CCDC170: variants seen among roughly 807,000 people sequenced by gnomAD.
The protein encoded by CCDC170 is coiled-coil domain containing 170, also known as coiled-coil domain-containing protein 170.
Under a neutral mutation model 72.6 loss-of-function variants are expected in CCDC170, and 69 were observed. The observed-to-expected ratio is 0.95, with a 90% CI of 0.78 to 1.16. The LOEUF is 1.16. Among genes scored for constraint, CCDC170 ranks in the 50% most tolerant of loss-of-function variants. The pLI, the probability that CCDC170 is intolerant of heterozygous loss-of-function variation, is 0.00. For synonymous variants in CCDC170, 300 were observed against 303.9 expected (o/e 0.99, Z 0.13); for missense variants, 852 against 832.5 (o/e 1.02, Z -0.29).
At chr6:151,612,848 C>G (rs1454550212) in intron 9 of CCDC170, among the ~76,000 whole-genome samples, 1 of 151,716 alleles carries the variant, frequency 6.6e-6, no homozygotes, top group African/African-American at 2.4e-5. Context: ...ATGATCTAAC[C>G]ACAAAACGAA....
chr6:151,546,098 A>C (rs1048912361), intron 4 of CCDC170, among the ~76,000 whole-genome samples: 2 of 152,076 alleles, frequency 1.3e-5, no homozygotes, highest in Admixed American at 6.5e-5. Flanking sequence ...CCATTTTTGA[A>C]AACCACCTCT....
intron 1 of CCDC170, among the ~76,000 whole-genome samples, chr6:151,532,814 T>C (rs9479060): frequency 0.11 from 16,276 of 152,160 alleles, 1,634 homozygotes; most frequent in African/African-American, 0.26. Context: ...TATGTAAGAA[T>C]AGCCAGGGTT....
intron 1 of CCDC170, among the ~76,000 whole-genome samples, chr6:151,499,258 A>G (rs9383909): frequency 7.9e-6 from 1 of 126,994 alleles, no homozygotes; most frequent in Non-Finnish European, 1.6e-5. Flanking sequence ...GTGGAATCAG[A>G]CTGTATTTGA....
Position 151,494,164 on chromosome 6 carries a change from T to C in CCDC170, c.36T>C (p.Gly12=). The change falls in exon 1 of 11, where the codon GGT becomes GGC. Residue 12 remains glycine (G), a synonymous_variant. Transcript: ENST00000239374. Reference sequence around the variant, plus strand: ...ACTGCACCAGCCATATCGCGCTGGGTGCCGCTTCGCCAGCGCCCGAGGTAC... The same window carrying C: ...ACTGCACCAGCCATATCGCGCTGGGCGCCGCTTCGCCAGCGCCCGAGGTAC... ...SLDCTSHIAL[G]AASPAPEETY... 1 of 1,523,902 alleles carries C rather than the reference T, an allele frequency of 6.6e-7. No homozygotes were observed. The highest frequency in any genetic ancestry group is 1.2e-5 in the South Asian group (1 of 81,628). The allele number at this position is 1,523,902 out of a possible 1,614,324, so 94.4% of individuals were successfully genotyped here.
In CCDC170 at chr6:151,508,149, A is replaced by G. The variant is rs541815707; in HGVS notation, c.57+13964A>G. On this transcript the variant is annotated intron_variant, in intron 1 of 10. Coordinates refer to ENST00000239374, the MANE Select transcript of CCDC170 (RefSeq NM_025059.4). ...GCTCTTTTGGAAGATGGCATTAACT[A>G]TATTTCAAGTCTATGTAAGGGAAAT... 2.0e-3 allele frequency among the ~76,000 whole-genome samples: 299 copies of G among 152,336 alleles called. 3 individuals are homozygous for G. The highest frequency in any genetic ancestry group is 7.0e-3 in the African/African-American group (291 of 41,580).
intron 1 of CCDC170, among the ~76,000 whole-genome samples, chr6:151,510,063 C>T (rs75540901): frequency 0.011 from 1,633 of 152,222 alleles, 26 homozygotes; most frequent in African/African-American, 0.035. Flanking sequence ...GTGGAGGTTG[C>T]GGTGAGAAAA....
At position 151,536,459 on chromosome 6, in the gene CCDC170, A is replaced by C. The variant is rs6931664; in HGVS notation, c.186+13A>C. 1.2e-6 allele frequency: 2 copies of C among 1,613,058 alleles called. No homozygotes were observed. Among genetic ancestry groups the C allele is most frequent in the Non-Finnish European group, 1.7e-6 (2 of 1,179,378 alleles). ...TGCTCAGTCTGAGGTAAGATAATGC[A>C]TTTCCAGCACTCAGAAATGGGCCTT... On this transcript the variant is annotated intron_variant, in intron 2 of 10. Coordinates refer to ENST00000239374, the MANE Select transcript of CCDC170 (RefSeq NM_025059.4).
intron 5 of CCDC170, among the ~76,000 whole-genome samples, chr6:151,555,474 A>G (rs929773615): frequency 1.6e-4 from 25 of 152,224 alleles, no homozygotes; most frequent in Non-Finnish European, 7.3e-5. Flanking sequence ...TAAAGTTGGA[A>G]GTGACCTTCA....
At chr6:151,507,944 G>T (rs1281204025) in intron 1 of CCDC170, among the ~76,000 whole-genome samples, 11 of 151,052 alleles carry the variant, frequency 7.3e-5, no homozygotes, top group Non-Finnish European at 1.5e-4. Flanking sequence ...AGAAAGAAAA[G>T]AAAACATTGA....
At chr6:151,510,796 C>A (rs1782135922) in intron 1 of CCDC170, among the ~76,000 whole-genome samples, 2 of 151,768 alleles carry the variant, frequency 1.3e-5, no homozygotes, top group Admixed American at 1.3e-4. Context: ...AGTGCAGTGG[C>A]ACAATCTCAG....
In CCDC170 at chr6:151,619,415, ATTC is replaced by A. The variant is rs1777024600; in HGVS notation, c.*1271_*1273del. The A allele has an allele frequency of 6.6e-6, 1 of 151,006 alleles. No homozygotes were observed. Among genetic ancestry groups the A allele is most frequent in the East Asian group, 2.2e-4 (1 of 4,546 alleles). The allele number at this position is 151,006 out of a possible 1,614,324, so 9.4% of individuals were successfully genotyped here. A position where few individuals can be genotyped will look rare whatever the true frequency, so the allele number is the denominator to read the frequency against. ...TTTTACAAATTTTTCAGGGAATCAT[ATTC>A]TTAACTTCACTGAGAAAAATGTGTT... On this transcript the variant is annotated 3_prime_UTR_variant, in exon 11 of 11. Coordinates refer to ENST00000239374, the MANE Select transcript of CCDC170 (RefSeq NM_025059.4).
intron 1 of CCDC170, among the ~76,000 whole-genome samples, chr6:151,503,175 A>T (rs559988038): frequency 3.4e-5 from 5 of 148,664 alleles, no homozygotes; most frequent in South Asian, 2.1e-4. Context: ...GACTACATTT[A>T]AAAAAAAAAA....
chr6:151,596,577 G>C lies in CCDC170; in HGVS notation c.1710G>C (p.Lys570Asn), dbSNP rs754298052. Residue 570 changes from lysine to asparagine, a missense_variant and splice_region_variant, in exon 9 of 11, where the codon AAG becomes AAC. Lys to Asn is a moderately conservative substitution (Grantham distance 94, BLOSUM62 0). Coordinates refer to ENST00000239374, the MANE Select transcript of CCDC170 (RefSeq NM_025059.4). ...AACTGGCCGACACCAATGAACTGAAGGCAAGTGCTTGGCTTCATTTTGTTG... is the reference window on the plus strand; with the variant it reads ...AACTGGCCGACACCAATGAACTGAACGCAAGTGCTTGGCTTCATTTTGTTG... ...KAKLADTNEL[K>N]IKTLEQTKAI... 25 of 1,613,546 alleles carry C rather than the reference G, an allele frequency of 1.5e-5. No individual in the cohort carries two copies. Among genetic ancestry groups the C allele is most frequent in the Non-Finnish European group, 1.9e-5 (22 of 1,179,754 alleles).
chr6:151,547,710 G>A (rs888892164), intron 4 of CCDC170, among the ~76,000 whole-genome samples: 5 of 152,302 alleles, frequency 3.3e-5, no homozygotes, highest in African/African-American at 1.2e-4. Flanking sequence ...GTTCCCTGAG[G>A]TCAAGGAGCC....
intron 6 of CCDC170, among the ~76,000 whole-genome samples, chr6:151,584,579 G>A (rs1288742961): frequency 1.3e-5 from 2 of 152,052 alleles, no homozygotes; most frequent in African/African-American, 4.8e-5. Context: ...TTTGCCTCTG[G>A]GTGGTGGGAT....
intron 1 of CCDC170, among the ~76,000 whole-genome samples, chr6:151,516,235 G>T (rs971577926): frequency 6.6e-6 from 1 of 152,140 alleles, no homozygotes; most frequent in Non-Finnish European, 1.5e-5. Context: ...TAATGTTAAT[G>T]CTGGTCAGTT....
In CCDC170 at chr6:151,615,431, T is replaced by G. The variant is rs766760367; in HGVS notation, c.1711-12T>G. On this transcript the variant is annotated splice_polypyrimidine_tract_variant and intron_variant, in intron 9 of 10. Coordinates refer to ENST00000239374, the MANE Select transcript of CCDC170 (RefSeq NM_025059.4). ...TACAAAAGGAGTTATCAGCATTCTC[T>G]TGACTTTCTAGATTAAAACTTTGGA... 5 of 1,585,342 alleles carry G rather than the reference T, an allele frequency of 3.2e-6. No individual in the cohort carries two copies. The East Asian group carries it at 1.1e-4, about 35-fold the overall frequency.
intron 3 of CCDC170, among the ~76,000 whole-genome samples, chr6:151,540,050 G>A (rs939338864): frequency 3.9e-5 from 6 of 152,092 alleles, no homozygotes; most frequent in African/African-American, 7.2e-5. Flanking sequence ...CTGGAGTATT[G>A]TAATATGTAT....
intron 6 of CCDC170, among the ~76,000 whole-genome samples, chr6:151,574,827 A>G (rs1322380775): frequency 6.6e-6 from 1 of 152,194 alleles, no homozygotes; most frequent in East Asian, 1.9e-4. Context: ...AATGAAAAAA[A>G]TTGTTATAAA....
Sources: gnomAD v4.1 joint callset for allele counts (sites outside exome capture counted in the v4.1 genomes callset) on GRCh38, gnomAD v4.1.1 for gene constraint, MANE v1.5 for transcripts, NCBI Gene and HGNC (gene_info 2026-07-23, HGNC 2026-07-21) for gene names.